GPHN: variants seen among roughly 807,000 people sequenced by gnomAD.
The protein encoded by GPHN is gephyrin.
GPHN carries 17 observed loss-of-function variants against 95.5 expected under a neutral mutation model. That is an observed-to-expected ratio of 0.18 (90% CI 0.12 to 0.27). The LOEUF (loss-of-function observed/expected upper bound fraction) is 0.27. Ranked by LOEUF, GPHN falls within the 10% of genes least tolerant of loss-of-function variation. The pLI, the probability that GPHN is intolerant of heterozygous loss-of-function variation, is 1.00. For synonymous variants in GPHN, 320 were observed against 322.5 expected (o/e 0.99, Z 0.08); for missense variants, 660 against 978.1 (o/e 0.67, Z 4.34).
intron 9 of GPHN, among the ~76,000 whole-genome samples, chr14:67,013,570 T>C (rs1253869857): frequency 3.9e-5 from 6 of 152,110 alleles, no homozygotes; most frequent in Admixed American, 1.3e-4. Context: ...CTAGTTCTTA[T>C]ATATTTCTCG....
chr14:66,938,217 A>G (rs1201630759), intron 8 of GPHN, among the ~76,000 whole-genome samples: 1 of 152,224 alleles, frequency 6.6e-6, no homozygotes, highest in Non-Finnish European at 1.5e-5. Context: ...TACTGTCAAG[A>G]AAAGTTAGGA....
At chr14:66,916,113 G>C in intron 6 of GPHN, 44 bp downstream of exon 6, 1 of 1,307,028 alleles carries the variant, frequency 7.7e-7, no homozygotes, top group Non-Finnish European at 1.1e-6. Context: ...AAGAGCTTTT[G>C]ACCAGCCGTG....
chr14:66,841,123 G>T (rs1485925500), intron 4 of GPHN, among the ~76,000 whole-genome samples: 1 of 151,778 alleles, frequency 6.6e-6, no homozygotes, highest in Non-Finnish European at 1.5e-5. Flanking sequence ...CTACCTTTAT[G>T]GAATTTACAT....
the GPHN span, chr14:67,559,523 T>G: frequency 1.2e-6 from 1 of 864,106 alleles, no homozygotes; most frequent in Non-Finnish European, 1.9e-6. Context: ...CACGCACACT[T>G]GGCCTTTCTT....
rs74749398 is a variant in GPHN, at chr14:66,681,308, C to T, written c.143+123C>T. 2,305 of 671,168 alleles carry T rather than the reference C, an allele frequency of 3.4e-3. 7 individuals are homozygous for T. The highest frequency in any genetic ancestry group is 0.011 in the African/African-American group (584 of 55,128). The allele number at this position is 671,168 out of a possible 1,614,324, so 41.6% of individuals were successfully genotyped here. On this transcript the variant is annotated intron_variant, in intron 2 of 22. Coordinates refer to ENST00000478722, the MANE Select transcript of GPHN (RefSeq NM_020806.5). ...AACAATTTTTTCTTTTCTAATAATG[C>T]GTTTTACACATATTGAAGTCTGACA...
At chr14:67,263,795 C>A in the GPHN span, among the ~76,000 whole-genome samples, 30 of 152,306 alleles carry the variant, frequency 2.0e-4, no homozygotes, top group South Asian at 1.0e-3. Context: ...AGTAGTGTTG[C>A]TGCTTTTACT....
intron 12 of GPHN, among the ~76,000 whole-genome samples, chr14:67,100,555 G>GA (rs2077642349): frequency 6.6e-6 from 1 of 152,142 alleles, no homozygotes; most frequent in Non-Finnish European, 1.5e-5. Context: ...TAACTTATTA[G>GA]AAAAGCACAA....
At chr14:67,159,785 T>A (rs538356863) in intron 19 of GPHN, among the ~76,000 whole-genome samples, 2 of 152,264 alleles carry the variant, frequency 1.3e-5, no homozygotes, top group African/African-American at 4.8e-5. Flanking sequence ...CCCAAACTGC[T>A]TCTTTATCTG....
chr14:67,692,723 A>G, the GPHN span: 1 of 1,097,070 alleles, frequency 9.1e-7, no homozygotes, highest in Non-Finnish European at 1.3e-6. Flanking sequence ...GAGGTATCTG[A>G]TTAGCAAATA....
At chr14:66,894,671 A>G (rs920138355) in intron 5 of GPHN, among the ~76,000 whole-genome samples, 4 of 152,222 alleles carry the variant, frequency 2.6e-5, no homozygotes, top group African/African-American at 9.7e-5. Flanking sequence ...GCAAGAAAAA[A>G]ACAACCCCAT....
chr14:67,429,863 T>C, the GPHN span, among the ~76,000 whole-genome samples: 1 of 152,174 alleles, frequency 6.6e-6, no homozygotes, highest in Non-Finnish European at 1.5e-5. Context: ...AGTTAATTCT[T>C]TCAACAGCGC....
chr14:66,516,173 A>C (rs1470178438), intron 1 of GPHN, among the ~76,000 whole-genome samples: 1 of 138,940 alleles, frequency 7.2e-6, no homozygotes, highest in African/African-American at 2.7e-5. Context: ...TGCCTGGCTA[A>C]TTTTTTTTTT....
chr14:67,347,509 TTTTTTTTC>T, the GPHN span: 2 of 1,492,272 alleles, frequency 1.3e-6, no homozygotes, highest in South Asian at 2.4e-5. Context: ...TCTCTTTTTT[TTTTTTTTC>T]TGAGACGGAG....
At chr14:67,040,846 A>G (rs886951284) in intron 10 of GPHN, among the ~76,000 whole-genome samples, 2 of 152,152 alleles carry the variant, frequency 1.3e-5, no homozygotes, top group East Asian at 1.9e-4. Flanking sequence ...AGTTTATCCT[A>G]TTACTGGTGA....
intron 10 of GPHN, among the ~76,000 whole-genome samples, chr14:67,047,380 T>TC (rs555123864): frequency 0.019 from 2,665 of 143,224 alleles, 27 homozygotes; most frequent in Non-Finnish European, 0.027. Context: ...TTTTTTTTTT[T>TC]TTTGAGACAG....
chr14:67,050,663 A>AG (rs1191236138), intron 10 of GPHN, among the ~76,000 whole-genome samples: 6 of 152,150 alleles, frequency 3.9e-5, no homozygotes, highest in Non-Finnish European at 8.8e-5. Context: ...CCAAACAACA[A>AG]GAAAAAAAAA....
At chr14:67,538,393 C>T in the GPHN span, among the ~76,000 whole-genome samples, 138,139 of 152,286 alleles carry the variant, frequency 0.91, 62,934 homozygotes, top group Non-Finnish European at 0.96. Flanking sequence ...TAATTGTGTT[C>T]GTCCTCCATC....
intron 2 of GPHN, among the ~76,000 whole-genome samples, chr14:66,720,857 G>A (rs1566866640): frequency 6.6e-6 from 1 of 152,086 alleles, no homozygotes; most frequent in African/African-American, 2.4e-5. Context: ...GGAGAGAGAT[G>A]CTGTCTCTTT....
At chr14:67,538,878 A>C in the GPHN span, among the ~76,000 whole-genome samples, 1 of 152,186 alleles carries the variant, frequency 6.6e-6, no homozygotes, top group African/African-American at 2.4e-5. Flanking sequence ...ATAATCTCAG[A>C]TATCAGGGCT....
Sources: allele counts gnomAD v4.1 joint callset (sites outside exome capture counted in the v4.1 genomes callset), GRCh38; gene constraint gnomAD v4.1.1; transcripts MANE v1.5; gene names NCBI Gene and HGNC (gene_info 2026-07-23, HGNC 2026-07-21).